The following GPC6 variants were observed in gnomAD, a reference collection of about 807,000 sequenced individuals.
GPC6 encodes glypican 6, also known as glypican-6.
In GPC6, 14 loss-of-function variants were observed where a neutral mutation model predicts 55.2. The ratio of observed to expected loss-of-function variants is 0.25; its 90% CI spans 0.17 to 0.40. The LOEUF is 0.40. GPC6 is among the 10% of genes least tolerant of loss of function. GPC6 has a pLI of 1.00. For synonymous variants in GPC6, 278 were observed against 259.6 expected, an observed-to-expected ratio of 1.07 and a Z score of -0.68; for missense variants, 641 against 708.5, an observed-to-expected ratio of 0.90 and a Z score of 1.08.
At chr13:93,764,058 A>G (rs1885036624) in intron 2 of GPC6, among the ~76,000 whole-genome samples, 2 of 152,056 alleles carry the variant, frequency 1.3e-5, no homozygotes, top group Admixed American at 1.3e-4. Flanking sequence ...CTCCCTGCCA[A>G]TCACCTAAGC....
intron 1 of GPC6, among the ~76,000 whole-genome samples, chr13:93,253,906 T>A (rs1876867968): frequency 6.6e-6 from 1 of 152,246 alleles, no homozygotes; most frequent in African/African-American, 2.4e-5. Flanking sequence ...TAGAGAAATG[T>A]TAGGAAAATA....
intron 3 of GPC6, among the ~76,000 whole-genome samples, chr13:94,013,451 A>G (rs182240531): frequency 1.3e-5 from 2 of 152,206 alleles, no homozygotes; most frequent in Admixed American, 1.3e-4. Context: ...CCCAGGTTCA[A>G]GCGATTCTCC....
chr13:93,848,424 C>T (rs1404664976), intron 3 of GPC6, among the ~76,000 whole-genome samples: 1 of 152,016 alleles, frequency 6.6e-6, no homozygotes. Flanking sequence ...AAATCTACAT[C>T]TCAATCACCC....
chr13:94,135,455 A>G (rs565278122), intron 4 of GPC6, among the ~76,000 whole-genome samples: 1 of 152,256 alleles, frequency 6.6e-6, no homozygotes, highest in South Asian at 2.1e-4. Flanking sequence ...CAGTGTCTTA[A>G]TTTTGCATTT....
chr13:93,757,111 C>T (rs1489628458), intron 2 of GPC6, among the ~76,000 whole-genome samples: 1 of 152,114 alleles, frequency 6.6e-6, no homozygotes, highest in Non-Finnish European at 1.5e-5. Flanking sequence ...CCAAATAATT[C>T]CCCACATGGA....
At chr13:94,390,540 G>A (rs181697565) in intron 7 of GPC6, among the ~76,000 whole-genome samples, 49 of 152,254 alleles carry the variant, frequency 3.2e-4, no homozygotes, top group Non-Finnish European at 5.0e-4. Context: ...TGGAGCAGGA[G>A]GAAGAGAGGG....
intron 3 of GPC6, among the ~76,000 whole-genome samples, chr13:93,884,861 G>A (rs903282343): frequency 3.2e-4 from 49 of 152,042 alleles, no homozygotes; most frequent in Non-Finnish European, 5.4e-4. Context: ...GATGTGAAAC[G>A]TTACAAGAGC....
At chr13:93,672,177 G>A (rs1881387302) in intron 2 of GPC6, among the ~76,000 whole-genome samples, 1 of 146,570 alleles carries the variant, frequency 6.8e-6, no homozygotes, top group Non-Finnish European at 1.5e-5. Flanking sequence ...AGCTAATAGT[G>A]TGTGAGCCTA....
intron 4 of GPC6, among the ~76,000 whole-genome samples, chr13:94,279,875 T>G (rs1352638533): frequency 2.6e-5 from 4 of 152,206 alleles, no homozygotes; most frequent in Admixed American, 2.6e-4. Context: ...ATGTGATCAA[T>G]TTTAGAGCAA....
chr13:93,329,016 T>C (rs540363205), intron 1 of GPC6, among the ~76,000 whole-genome samples: 2 of 152,284 alleles, frequency 1.3e-5, no homozygotes, highest in Non-Finnish European at 2.9e-5. Flanking sequence ...GTTGGATCTG[T>C]GTGTTTTTAA....
Position 93,628,845 on chromosome 13 carries a change from A to G in GPC6, c.319+83424A>G, listed in dbSNP as rs183323490. ...CAAAATATCCAAAGCAGTTTTTACT[A>G]AAAAGTATGGAAACAAAGATTAGTT... On this transcript the variant is annotated intron_variant, in intron 2 of 8. Coordinates refer to ENST00000377047, the MANE Select transcript of GPC6 (RefSeq NM_005708.5). 2.6e-3 allele frequency among the ~76,000 whole-genome samples: 392 copies of G among 152,290 alleles called. 3 individuals are homozygous for G. The highest frequency in any genetic ancestry group is 9.1e-3 in the African/African-American group (380 of 41,576).
chr13:93,623,094 TC>T (rs1666081180), intron 2 of GPC6, among the ~76,000 whole-genome samples: 1 of 152,196 alleles, frequency 6.6e-6, no homozygotes, highest in Admixed American at 6.5e-5. Flanking sequence ...AGGACTTCAT[TC>T]TTTCTTATGG....
intron 4 of GPC6, among the ~76,000 whole-genome samples, chr13:94,068,511 C>T (rs1416101710): frequency 2.0e-5 from 3 of 152,140 alleles, no homozygotes; most frequent in African/African-American, 7.2e-5. Flanking sequence ...CCCCCAAAGT[C>T]TTAACTTATT....
At chr13:93,985,095 G>A (rs1052333201) in intron 3 of GPC6, among the ~76,000 whole-genome samples, 3 of 152,102 alleles carry the variant, frequency 2.0e-5, no homozygotes, top group Non-Finnish European at 2.9e-5. Context: ...TGGGCCCAAG[G>A]TATTTGAGTG....
At chr13:94,073,699 C>T (rs1348803053) in intron 4 of GPC6, among the ~76,000 whole-genome samples, 1 of 152,164 alleles carries the variant, frequency 6.6e-6, no homozygotes, top group Non-Finnish European at 1.5e-5. Flanking sequence ...ATCCTGTGGT[C>T]TTTCTCTCCT....
intron 4 of GPC6, among the ~76,000 whole-genome samples, chr13:94,126,221 A>G (rs1365242401): frequency 3.3e-5 from 5 of 152,088 alleles, no homozygotes; most frequent in Non-Finnish European, 7.4e-5. Context: ...CTCTACAAAA[A>G]AAAAATTGAA....
At chr13:93,925,663 A>G (rs890470418) in intron 3 of GPC6, among the ~76,000 whole-genome samples, 4 of 152,188 alleles carry the variant, frequency 2.6e-5, no homozygotes, top group African/African-American at 9.6e-5. Flanking sequence ...GACAACAACC[A>G]TATTATTACG....
chr13:93,228,015 C>G (rs1056318429), intron 1 of GPC6, among the ~76,000 whole-genome samples: 6 of 152,176 alleles, frequency 3.9e-5, no homozygotes, highest in Non-Finnish European at 8.8e-5. Flanking sequence ...GAACTGCGAC[C>G]GCAGTTTGCC....
intron 2 of GPC6, among the ~76,000 whole-genome samples, chr13:93,816,369 T>C (rs573759349): frequency 1.1e-4 from 16 of 152,296 alleles, no homozygotes; most frequent in African/African-American, 3.8e-4. Flanking sequence ...CTTTAGAGAC[T>C]ACTACTTTCT....
Sources: allele counts gnomAD v4.1 joint callset (sites outside exome capture counted in the v4.1 genomes callset), GRCh38; gene constraint gnomAD v4.1.1; transcripts MANE v1.5; gene names NCBI Gene and HGNC (gene_info 2026-07-23, HGNC 2026-07-21).